EYS: variants seen among roughly 807,000 people sequenced by gnomAD.
EYS encodes EGF-like photoreceptor maintenance factor.
EYS carries 250 observed loss-of-function variants against 282.1 expected under a neutral mutation model. That is an observed-to-expected ratio of 0.89 (90% CI 0.80 to 0.98). The LOEUF is 0.98. Ranked by LOEUF, EYS falls within the 50% of genes least tolerant of loss-of-function variation. The pLI is 0.00. For synonymous variants in EYS, 1,355 were observed against 1,282.9 expected, an observed-to-expected ratio of 1.06 and a Z score of -1.20; for missense variants, 4,016 against 3,709.0, an observed-to-expected ratio of 1.08 and a Z score of -2.15.
At chr6:64,114,525 T>A (rs182371184) in intron 31 of EYS, among the ~76,000 whole-genome samples, 47 of 152,156 alleles carry the variant, frequency 3.1e-4, no homozygotes, top group Non-Finnish European at 1.5e-5. Flanking sequence ...CACTAAATAA[T>A]CGCATAGAGA....
intron 12 of EYS, among the ~76,000 whole-genome samples, chr6:65,143,469 GA>G (rs1264284504): frequency 2.0e-5 from 3 of 151,622 alleles, no homozygotes; most frequent in African/African-American, 7.3e-5. Flanking sequence ...TATTCAAGTT[GA>G]AAAAATAAAA....
chr6:64,957,095 C>A (rs1234027466), intron 14 of EYS, among the ~76,000 whole-genome samples: 1 of 152,156 alleles, frequency 6.6e-6, no homozygotes, highest in East Asian at 1.9e-4. Flanking sequence ...AAATGAAAAT[C>A]AGTATATCAA....
At chr6:65,470,527 A>T (rs1765172951) in intron 5 of EYS, among the ~76,000 whole-genome samples, 1 of 152,166 alleles carries the variant, frequency 6.6e-6, no homozygotes, top group Non-Finnish European at 1.5e-5. Context: ...CATTAAAAGC[A>T]ATACTCATTA....
At chr6:63,732,699 A>T (rs1212916158) in intron 41 of EYS, among the ~76,000 whole-genome samples, 1 of 152,188 alleles carries the variant, frequency 6.6e-6, no homozygotes, top group Non-Finnish European at 1.5e-5. Flanking sequence ...CATCTTTTAG[A>T]TTTAGTGACC....
intron 22 of EYS, among the ~76,000 whole-genome samples, chr6:64,665,670 A>G (rs1769205915): frequency 2.6e-5 from 4 of 152,226 alleles, no homozygotes. Flanking sequence ...ACTTAATACT[A>G]TGCTTCAATT....
chr6:64,087,731 T>G (rs551614361), intron 31 of EYS, among the ~76,000 whole-genome samples: 1 of 152,230 alleles, frequency 6.6e-6, no homozygotes, highest in South Asian at 2.1e-4. Context: ...AATGATGAGA[T>G]TCCAGCATTT....
At chr6:63,986,067 A>G (rs1340304976) in intron 34 of EYS, among the ~76,000 whole-genome samples, 1 of 151,890 alleles carries the variant, frequency 6.6e-6, no homozygotes, top group Non-Finnish European at 1.5e-5. Context: ...AGGAATGTAT[A>G]CAAATTTACA....
chr6:65,330,210 C>T, intron 11 of EYS: 1 of 955,382 alleles, frequency 1.0e-6, no homozygotes, highest in Non-Finnish European at 1.2e-6. Context: ...GGACAGGTAT[C>T]ATGTCTCATT....
At chr6:64,876,243 A>G (rs1475260578) in intron 19 of EYS, among the ~76,000 whole-genome samples, 1 of 152,090 alleles carries the variant, frequency 6.6e-6, no homozygotes, top group Admixed American at 6.6e-5. Flanking sequence ...AAAATTATCT[A>G]GATTGTTTGC....
intron 16 of EYS, among the ~76,000 whole-genome samples, chr6:64,903,703 C>G (rs998570931): frequency 2.6e-5 from 4 of 152,122 alleles, no homozygotes; most frequent in African/African-American, 9.7e-5. Context: ...TCGGTATTTT[C>G]TCACTCAGAT....
At chr6:63,913,384 A>T (rs922471855) in intron 35 of EYS, among the ~76,000 whole-genome samples, 3 of 152,258 alleles carry the variant, frequency 2.0e-5, no homozygotes, top group Non-Finnish European at 4.4e-5. Flanking sequence ...TAAGGCATAC[A>T]GTTCAATGGT....
At chr6:64,757,439 T>A (rs1319550274) in intron 22 of EYS, among the ~76,000 whole-genome samples, 1 of 152,008 alleles carries the variant, frequency 6.6e-6, no homozygotes, top group Non-Finnish European at 1.5e-5. Context: ...ATTTTTTTTT[T>A]ATTTCCAGCA....
At chr6:63,791,510 A>G (rs1473453017) in intron 37 of EYS, among the ~76,000 whole-genome samples, 1 of 151,340 alleles carries the variant, frequency 6.6e-6, no homozygotes, top group South Asian at 2.1e-4. Flanking sequence ...CCTGGGAGGC[A>G]GATCTTGCAG....
intron 30 of EYS, among the ~76,000 whole-genome samples, chr6:64,231,351 GAAC>G (rs1303117997): frequency 3.3e-5 from 5 of 151,592 alleles, no homozygotes; most frequent in East Asian, 3.9e-4. Context: ...AATAAATAAT[GAAC>G]AACAACAAAA....
At chr6:63,981,710 G>C (rs1405421591) in intron 35 of EYS, among the ~76,000 whole-genome samples, 1 of 151,832 alleles carries the variant, frequency 6.6e-6, no homozygotes, top group Non-Finnish European at 1.5e-5. Flanking sequence ...GTGGTTGAGA[G>C]GTTGAGAGAT....
chr6:64,436,795 G>T (rs1774766463), intron 27 of EYS, among the ~76,000 whole-genome samples: 1 of 151,740 alleles, frequency 6.6e-6, no homozygotes. Flanking sequence ...GAAAAATCAT[G>T]TCTATATCAG....
chr6:65,469,608 T>A (rs1382051135), intron 5 of EYS, among the ~76,000 whole-genome samples: 3 of 152,118 alleles, frequency 2.0e-5, no homozygotes, highest in African/African-American at 7.2e-5. Context: ...CTTTTAAAAT[T>A]ATTCTTCTCT....
chr6:63,803,569 C>T (rs1032637748), intron 37 of EYS, among the ~76,000 whole-genome samples: 6 of 152,098 alleles, frequency 3.9e-5, no homozygotes, highest in South Asian at 2.1e-4. Flanking sequence ...GGAGGGGAAC[C>T]GCTGGGGAAA....
intron 29 of EYS, among the ~76,000 whole-genome samples, chr6:64,326,805 G>A (rs549620395): frequency 1.0e-5 from 1 of 98,930 alleles, no homozygotes; most frequent in African/African-American, 4.4e-5. Context: ...AGAAAGGGTT[G>A]CAGGATGGTC....
Sources: gnomAD v4.1 joint callset for allele counts (sites outside exome capture counted in the v4.1 genomes callset) on GRCh38, gnomAD v4.1.1 for gene constraint, MANE v1.5 for transcripts, NCBI Gene and HGNC (gene_info 2026-07-23, HGNC 2026-07-21) for gene names.